Variants in MYBBP1A observed in about 807,000 individuals in gnomAD.
The protein encoded by MYBBP1A is MYB binding protein 1a.
MYBBP1A carries 147 observed loss-of-function variants against 136.3 expected under a neutral mutation model. The observed-to-expected ratio is 1.08, with a 90% CI of 0.94 to 1.24. MYBBP1A has a LOEUF of 1.24. MYBBP1A is among the 50% of genes most tolerant of loss of function. The pLI, the probability that MYBBP1A is intolerant of heterozygous loss-of-function variation, is 0.00. For missense variants in MYBBP1A, 2,060 were observed against 1,727.4 expected, an observed-to-expected ratio of 1.19 and a Z score of -3.41; for synonymous variants, 947 against 735.8, an observed-to-expected ratio of 1.29 and a Z score of -4.65.
intron 25 of MYBBP1A, 112 bp downstream of exon 25, chr17:4,540,234 ATG>A: frequency 7.2e-7 from 1 of 1,388,388 alleles, no homozygotes; most frequent in African/African-American, 1.4e-5. Context: ...GTGCAGCAGC[ATG>A]CGTGTGCAGT....
At position 4,555,382 on chromosome 17, in the gene MYBBP1A, G is replaced by A; in HGVS notation, c.-58C>T. The stretch of plus-strand genomic sequence containing the variant: ...GTGCTCCGGCCCCAGCCGCTTCCAG[G>A]TCAGGGCACGGCGCATGCGCACCGG... On this transcript the variant is annotated 5_prime_UTR_variant, in exon 1 of 26. Coordinates refer to ENST00000254718, the MANE Select transcript of MYBBP1A (RefSeq NM_014520.4). 6.5e-7 allele frequency: 1 copy of A among 1,546,808 alleles called. No individual in the cohort carries two copies. The highest frequency in any genetic ancestry group is 8.7e-7 in the Non-Finnish European group (1 of 1,144,238).
intron 8 of MYBBP1A, among the ~76,000 whole-genome samples, chr17:4,551,507 G>A (rs1375754734): frequency 6.6e-6 from 1 of 152,220 alleles, no homozygotes; most frequent in Non-Finnish European, 1.5e-5. Flanking sequence ...TCAGGAGTTC[G>A]AGACCAGCCT....
chr17:4,540,136 G>GTCCTGCGAGGGTCCTGCGAGGC (rs1370579088), intron 25 of MYBBP1A, among the ~76,000 whole-genome samples, 169 bp from the exon 26 acceptor site: 22 of 150,268 alleles, frequency 1.5e-4, no homozygotes, highest in African/African-American at 5.3e-4. Context: ...AGGCCCCTGG[G>GTCCTGCGAGGGTCCTGCGAGGC]TCCTGCGAGG....
rs761838622 is a variant in MYBBP1A at position 4,548,234 on chromosome 17, G to A, written c.1633C>T (p.Leu545=). ...TQGGQPWTYH[L]VQFADLLLNH... is the part of the protein sequence containing the mutation. ...AACAGGAGGTCTGCGAACTGCACCAGGTGGTAGGTCCAGGGCTGCCCACCC... is the reference window on the plus strand; with the variant it reads ...AACAGGAGGTCTGCGAACTGCACCAAGTGGTAGGTCCAGGGCTGCCCACCC... The change falls in exon 12 of 26, where the codon CTG becomes TTG. Residue 545 remains leucine, a synonymous_variant. Coordinates refer to ENST00000254718, the MANE Select transcript of MYBBP1A (RefSeq NM_014520.4). This position sits in a 1 kb window ranked among gnomAD's most constrained non-coding sequence, Gnocchi z 4.2. 1 of 1,611,456 alleles carries A rather than the reference G, an allele frequency of 6.2e-7. No individual in the cohort carries two copies. Among genetic ancestry groups the A allele is most frequent in the South Asian group, 1.1e-5 (1 of 91,082 alleles).
chr17:4,543,195 G>A (rs770148537), intron 19 of MYBBP1A, 30 bp from the exon 20 acceptor site: 4 of 1,572,256 alleles, frequency 2.5e-6, no homozygotes, highest in Non-Finnish European at 3.4e-6. Flanking sequence ...GAGCTGGTCA[G>A]AACATTCTCG....
In MYBBP1A at chr17:4,555,347, C is replaced by G; in HGVS notation, c.-23G>C. ...CATCTCCGCCACACTCACCGAAACA[C>G]GAAACACGTGTGCTCCGGCCCCAGC... On this transcript the variant is annotated 5_prime_UTR_variant, in exon 1 of 26. Coordinates refer to ENST00000254718, the MANE Select transcript of MYBBP1A (RefSeq NM_014520.4). 1 of 1,582,358 alleles carries G rather than the reference C, an allele frequency of 6.3e-7. No homozygotes were observed. The highest frequency in any genetic ancestry group is 8.6e-7 in the Non-Finnish European group (1 of 1,165,272).
rs1288990326 is a variant in MYBBP1A at position 4,545,078 on chromosome 17, T to A, written c.2258A>T (p.Asp753Val). Residue 753 changes from aspartate (D) to valine (V), a missense_variant, in exon 17 of 26, where the codon GAT (aspartate) becomes GTT (valine). Physicochemically the swap from Asp to Val is radical, Grantham distance 152. Coordinates refer to ENST00000254718, the MANE Select transcript of MYBBP1A (RefSeq NM_014520.4). ...CATCAGCTGTTCCCGGAAGCCCTGATCCACGTCCCCGTCGCGCTCCTCCTC... is the reference window on the plus strand; with the variant it reads ...CATCAGCTGTTCCCGGAAGCCCTGAACCACGTCCCCGTCGCGCTCCTCCTC... Reference protein sequence around the residue: ...SEEEERDGDVDQGFREQLMTV... With the variant: ...SEEEERDGDVVQGFREQLMTV... The A allele has an allele frequency of 3.8e-6, 6 of 1,568,274 alleles. No homozygotes were observed. Among genetic ancestry groups the A allele is most frequent in the Non-Finnish European group, 5.2e-6 (6 of 1,159,384 alleles).
Position 4,545,919 on chromosome 17 carries a change from C to A in MYBBP1A, c.1848G>T (p.Leu616=). The A allele has an allele frequency of 6.2e-7, 1 of 1,613,278 alleles. No homozygotes were observed. The change falls in exon 14 of 26, where the codon CTG becomes CTT. Residue 616 remains leucine (L), a synonymous_variant. Transcript: ENST00000254718. ...TGATGCAGGTCTGGATGTCACCCAG[C>A]AGGTCACAGCTCTCTGCAGGGGACT... is the stretch of plus-strand genomic sequence containing the variant. ...LLKSPAESCD[L]LGDIQTCIRK...
intron 24 of MYBBP1A, among the ~76,000 whole-genome samples, chr17:4,540,921 G>C (rs974284755): frequency 8.5e-6 from 1 of 117,378 alleles, no homozygotes; most frequent in Non-Finnish European, 2.0e-5. Flanking sequence ...AGCCAGTTTT[G>C]TAAGGCCCCG....
intron 5 of MYBBP1A, among the ~76,000 whole-genome samples, chr17:4,553,281 CT>C (rs1399297932): frequency 8.5e-5 from 13 of 152,236 alleles, no homozygotes; most frequent in African/African-American, 3.1e-4. Flanking sequence ...CCTGCTACCC[CT>C]GCCTTTCTCT....
chr17:4,548,636 G>C lies in MYBBP1A; in HGVS notation c.1444C>G (p.His482Asp). 1 of 1,614,182 alleles carries C rather than the reference G, an allele frequency of 6.2e-7. No homozygotes were observed. The highest frequency in any genetic ancestry group is 8.5e-7 in the Non-Finnish European group (1 of 1,180,038). ...GGCTTCTTTGTGACAAAGAACGAGTGGAACAAACAAAACCTGGGGAGGGTG... is the reference window on the plus strand; with the variant it reads ...GGCTTCTTTGTGACAAAGAACGAGTCGAACAAACAAAACCTGGGGAGGGTG... ...TEQVARFCLF[H>D]SFFVTKKPTS... Residue 482 changes from histidine to aspartate, a missense_variant, in exon 11 of 26, where the codon CAC becomes GAC. His to Asp is a moderately conservative substitution (Grantham distance 81, BLOSUM62 -1). Transcript: ENST00000254718. The surrounding 1 kb of genome is among the most constrained non-coding windows in gnomAD (Gnocchi z 4.2).
intron 8 of MYBBP1A, among the ~76,000 whole-genome samples, chr17:4,551,677 C>G (rs1907517147): frequency 6.6e-6 from 1 of 152,182 alleles, no homozygotes; most frequent in East Asian, 1.9e-4. Context: ...CCACTGCGCT[C>G]CAGCCTGGGC....
intron 19 of MYBBP1A, among the ~76,000 whole-genome samples, chr17:4,543,680 C>G (rs1015193736): frequency 6.6e-6 from 1 of 152,034 alleles, no homozygotes; most frequent in East Asian, 1.9e-4. Context: ...ACTCCCCACC[C>G]CTCCTGACTA....
chr17:4,554,723 G>T, intron 2 of MYBBP1A, 138 bp downstream of exon 2: 1 of 740,712 alleles, frequency 1.4e-6, no homozygotes, highest in Non-Finnish European at 2.2e-6. Context: ...CCCTCAGGTT[G>T]GCCTCCAGTC....
intron 25 of MYBBP1A, among the ~76,000 whole-genome samples, 172 bp downstream of exon 25, chr17:4,540,166 AGGGTCCTGTG>A (rs1243195726): frequency 7.7e-6 from 1 of 129,536 alleles, no homozygotes; most frequent in East Asian, 2.1e-4. Flanking sequence ...GGCTCCTGCG[AGGGTCCTGTG>A]AGGGTCCTAC....
At position 4,545,253 on chromosome 17, in the gene MYBBP1A, C is replaced by T; in HGVS notation, c.2160+6G>A. 6.2e-7 allele frequency: 1 copy of T among 1,612,832 alleles called. No homozygotes were observed. Among genetic ancestry groups the T allele is most frequent in the South Asian group, 1.1e-5 (1 of 91,028 alleles). ...ACCGCCCCCGCCCGGCCCATGCTGG[C>T]AACACCTCTGCACCCTTCAGCCGCC... is the stretch of plus-strand genomic sequence containing the variant. On this transcript the variant is annotated splice_donor_region_variant and intron_variant, in intron 16 of 25. Transcript: ENST00000254718.
chr17:4,550,043 C>T lies in MYBBP1A; in HGVS notation c.1319+15G>A. 6.3e-7 allele frequency: 1 copy of T among 1,596,680 alleles called. No homozygotes were observed. The highest frequency in any genetic ancestry group is 8.6e-7 in the Non-Finnish European group (1 of 1,169,476). On this transcript the variant is annotated intron_variant, in intron 9 of 25. Coordinates refer to ENST00000254718, the MANE Select transcript of MYBBP1A (RefSeq NM_014520.4). ...TAACTCCTAAATTAGGTGTCCTCCCCCAAGGTCCACTCACATGTGGAGCGA... is the reference window on the plus strand; with the variant it reads ...TAACTCCTAAATTAGGTGTCCTCCCTCAAGGTCCACTCACATGTGGAGCGA...
intron 24 of MYBBP1A, 21 bp from the exon 25 acceptor site, chr17:4,540,505 G>A: frequency 1.9e-6 from 3 of 1,592,474 alleles, no homozygotes; most frequent in East Asian, 2.2e-5. Context: ...TGGGAAGGCA[G>A]AGCTGTGGGG....
intron 8 of MYBBP1A, among the ~76,000 whole-genome samples, chr17:4,550,681 T>C (rs1907433324): frequency 6.6e-6 from 1 of 152,264 alleles, no homozygotes; most frequent in Admixed American, 6.5e-5. Flanking sequence ...TGGATGGGGA[T>C]GGCCTGTTTT....
Sources: allele counts gnomAD v4.1 joint callset (sites outside exome capture counted in the v4.1 genomes callset), GRCh38; gene constraint gnomAD v4.1.1; non-coding constraint Gnocchi (gnomAD v3.1); transcripts MANE v1.5; gene names NCBI Gene and HGNC (gene_info 2026-07-23, HGNC 2026-07-21).